SEMA3D: variants seen among roughly 807,000 people sequenced by gnomAD.
SEMA3D encodes semaphorin-3D.
A neutral mutation model predicts 100.1 loss-of-function variants in SEMA3D; 84 were observed. That is an observed-to-expected ratio of 0.84 (90% CI 0.70 to 1.01). The LOEUF (loss-of-function observed/expected upper bound fraction) is 1.01. Among genes scored for constraint, SEMA3D ranks in the 50% least tolerant of loss-of-function variants. The pLI is 0.00. For synonymous variants in SEMA3D, 312 were observed against 320.7 expected (o/e 0.97, Z 0.29); for missense variants, 875 against 934.1 (o/e 0.94, Z 0.82).
intron 3 of SEMA3D, among the ~76,000 whole-genome samples, chr7:85,113,441 T>C (rs17561700): frequency 2.6e-5 from 4 of 151,846 alleles, no homozygotes; most frequent in Non-Finnish European, 5.9e-5. Flanking sequence ...ATAAAATGGT[T>C]ATTACAACTC....
At chr7:85,001,467 G>A (rs10278043) in intron 18 of SEMA3D, among the ~76,000 whole-genome samples, 3,852 of 152,144 alleles carry the variant, frequency 0.025, 178 homozygotes, top group African/African-American at 0.088. Context: ...ATTTGAATTG[G>A]GAGAGTTCTA....
At chr7:85,075,436 A>C (rs981249424) in intron 5 of SEMA3D, among the ~76,000 whole-genome samples, 3 of 151,758 alleles carry the variant, frequency 2.0e-5, no homozygotes, top group Non-Finnish European at 2.9e-5. Context: ...AAAAAAAAAA[A>C]AACCTCTGAA....
intron 9 of SEMA3D, among the ~76,000 whole-genome samples, chr7:85,045,850 G>T (rs148902113): frequency 6.6e-6 from 1 of 151,782 alleles, no homozygotes; most frequent in Non-Finnish European, 1.5e-5. Context: ...TTAAAGTAAC[G>T]TATCTAATCT....
intron 2 of SEMA3D, among the ~76,000 whole-genome samples, chr7:85,137,271 T>C (rs1789894459): frequency 6.6e-6 from 1 of 151,920 alleles, no homozygotes; most frequent in African/African-American, 2.4e-5. Context: ...ATGATGTGTA[T>C]ATATGTGATG....
intron 12 of SEMA3D, among the ~76,000 whole-genome samples, chr7:85,035,727 C>T (rs1013248613): frequency 6.6e-6 from 1 of 151,738 alleles, no homozygotes; most frequent in African/African-American, 2.4e-5. Flanking sequence ...GGATAGGTCT[C>T]ATGTTAAATG....
intron 6 of SEMA3D, among the ~76,000 whole-genome samples, chr7:85,068,708 A>G (rs1011262329): frequency 1.3e-5 from 2 of 152,204 alleles, no homozygotes; most frequent in Non-Finnish European, 2.9e-5. Context: ...TACAATTTAT[A>G]TAACTAAGCA....
intron 2 of SEMA3D, among the ~76,000 whole-genome samples, chr7:85,148,421 C>G (rs903560318): frequency 2.0e-5 from 3 of 152,186 alleles, no homozygotes; most frequent in African/African-American, 4.8e-5. Flanking sequence ...TTCAAGGACT[C>G]TCATATTTGA....
chr7:85,040,626 T>C (rs757285329), intron 11 of SEMA3D, 47 bp downstream of exon 11: 2 of 925,896 alleles, frequency 2.2e-6, no homozygotes, highest in Admixed American at 1.8e-5. Context: ...TTGGCTTGCA[T>C]ACATATACAA....
chr7:85,041,971 A>G (rs1052594201), intron 10 of SEMA3D, 200 bp downstream of exon 10: 2 of 539,748 alleles, frequency 3.7e-6, no homozygotes, highest in Admixed American at 6.3e-5. Flanking sequence ...TCTTACAAAG[A>G]GAAGAGTTAC....
At chr7:85,002,043 C>G (rs1468480462) in intron 18 of SEMA3D, among the ~76,000 whole-genome samples, 1 of 152,078 alleles carries the variant, frequency 6.6e-6, no homozygotes, top group East Asian at 1.9e-4. Context: ...CTTGATCTCA[C>G]CCATATTGTG....
rs533166315 is a variant in SEMA3D, at chr7:85,100,878, C to T, written c.152-2913G>A. Among the ~76,000 whole-genome samples, 7 of 151,906 alleles carry T rather than the reference C, an allele frequency of 4.6e-5. No homozygotes were observed. The East Asian group carries it at 7.8e-4, about 17-fold the overall frequency. On this transcript the variant is annotated intron_variant, in intron 3 of 18. Transcript: ENST00000284136. ...CATGATATTTGAAATCTCAAATGAGCGTGACTTTACTGAACATAAATGTCT... is the reference window on the plus strand; with the variant it reads ...CATGATATTTGAAATCTCAAATGAGTGTGACTTTACTGAACATAAATGTCT...
At chr7:85,107,820 T>C (rs1034373842) in intron 3 of SEMA3D, among the ~76,000 whole-genome samples, 1 of 152,052 alleles carries the variant, frequency 6.6e-6, no homozygotes, top group South Asian at 2.1e-4. Flanking sequence ...GCAAGTTTTC[T>C]ATTCTCCGTT....
the SEMA3D span, among the ~76,000 whole-genome samples, chr7:85,245,358 G>T: frequency 1.3e-5 from 2 of 152,164 alleles, no homozygotes; most frequent in Non-Finnish European, 2.9e-5. Context: ...ACAGAATTGT[G>T]CCTGAATAAA....
chr7:85,104,273 C>T (rs1285145873), intron 3 of SEMA3D, among the ~76,000 whole-genome samples: 1 of 151,910 alleles, frequency 6.6e-6, no homozygotes, highest in Non-Finnish European at 1.5e-5. Context: ...AATGTTCATC[C>T]ACAACAAAAA....
chr7:85,138,187 T>C (rs1342246292), intron 2 of SEMA3D, among the ~76,000 whole-genome samples: 1 of 152,178 alleles, frequency 6.6e-6, no homozygotes, highest in Non-Finnish European at 1.5e-5. Flanking sequence ...GGAAACATAA[T>C]AGTTATCTGC....
intron 1 of SEMA3D, among the ~76,000 whole-genome samples, chr7:85,157,993 C>T (rs937387316): frequency 1.3e-5 from 2 of 152,146 alleles, no homozygotes; most frequent in Admixed American, 6.6e-5. Flanking sequence ...AATCAATACC[C>T]TTGTGATTTC....
At chr7:85,159,461 T>C (rs1262426279) in intron 1 of SEMA3D, among the ~76,000 whole-genome samples, 1 of 152,208 alleles carries the variant, frequency 6.6e-6, no homozygotes, top group South Asian at 2.1e-4. Context: ...TACATTATTT[T>C]CCATCTTCTG....
At chr7:85,142,418 C>A (rs1790078658) in intron 2 of SEMA3D, 2 of 917,592 alleles carry the variant, frequency 2.2e-6, no homozygotes, top group South Asian at 5.0e-5. Flanking sequence ...ATAATAAAAT[C>A]TTTCTAAAGA....
chr7:85,179,949 T>C (rs569339402), intron 1 of SEMA3D, among the ~76,000 whole-genome samples: 1 of 152,270 alleles, frequency 6.6e-6, no homozygotes, highest in African/African-American at 2.4e-5. Flanking sequence ...GCATGAGCCA[T>C]CGCACCCAGC....
Sources: allele counts gnomAD v4.1 joint callset (sites outside exome capture counted in the v4.1 genomes callset), GRCh38; gene constraint gnomAD v4.1.1; transcripts MANE v1.5; gene names NCBI Gene and HGNC (gene_info 2026-07-23, HGNC 2026-07-21).